INTS7: variants seen among roughly 807,000 people sequenced by gnomAD.
INTS7 encodes integrator complex subunit 7.
In INTS7, 46 loss-of-function variants were observed where a neutral mutation model predicts 109.2. The observed-to-expected ratio is 0.42, with a 90% CI of 0.33 to 0.54. The LOEUF (loss-of-function observed/expected upper bound fraction) is 0.54. Among genes scored for constraint, INTS7 ranks in the 20% least tolerant of loss-of-function variants. The pLI, the probability that INTS7 is intolerant of heterozygous loss-of-function variation, is 0.07. For synonymous variants in INTS7, 412 were observed against 402.9 expected (o/e 1.02, Z -0.27); for missense variants, 929 against 1,132.4 (o/e 0.82, Z 2.58).
Position 211,982,792 on chromosome 1 carries a change from G to C in INTS7, c.1016C>G (p.Pro339Arg). The C allele has an allele frequency of 6.2e-7, 1 of 1,606,534 alleles. No individual in the cohort carries two copies. The highest frequency in any genetic ancestry group is 8.5e-7 in the Non-Finnish European group (1 of 1,176,372). ...SIVPGNVSSS[P>R]RSSDLVKLAQ... ...TAATTTGACTAAATCAGAAGATCTG[G>C]GAGAAGAACTCACATTTCCTAAAAA... The change falls in exon 9 of 20, where the codon CCC (proline) becomes CGC (arginine). Residue 339 changes from proline to arginine, a missense_variant. Around this residue, in one of 2 missense-constraint regions of INTS7, gnomAD observed 787 missense variants for 901.1 expected, o/e 0.87. Transcript: ENST00000366994.
At chr1:211,955,655 C>T (rs761404091) in intron 16 of INTS7, among the ~76,000 whole-genome samples, 76 of 152,194 alleles carry the variant, frequency 5.0e-4, no homozygotes, top group Non-Finnish European at 9.8e-4. Flanking sequence ...TTATTCCCTA[C>T]TATCATTTTA....
chr1:211,974,144 C>G (rs149885847), intron 13 of INTS7, among the ~76,000 whole-genome samples: 68 of 151,800 alleles, frequency 4.5e-4, no homozygotes, highest in African/African-American at 1.5e-3. Flanking sequence ...TAAATAATTA[C>G]CAATTTTCTG....
At chr1:211,943,671 G>GTTAAGAAAGTAGTAATGGC (rs1481000769) in intron 19 of INTS7, among the ~76,000 whole-genome samples, 2 of 152,194 alleles carry the variant, frequency 1.3e-5, no homozygotes, top group African/African-American at 4.8e-5. Context: ...ACTTGCCATA[G>GTTAAGAAAGTAGTAATGGC]TTAAGAAAGT....
At chr1:211,997,290 A>C (rs1665442282) in intron 7 of INTS7, among the ~76,000 whole-genome samples, 2 of 152,056 alleles carry the variant, frequency 1.3e-5, no homozygotes, top group Admixed American at 1.3e-4. Context: ...CATGCCTGGA[A>C]TCCTAGCACT....
At chr1:211,997,300 T>C (rs1317793280) in intron 7 of INTS7, among the ~76,000 whole-genome samples, 1 of 151,768 alleles carries the variant, frequency 6.6e-6, no homozygotes, top group African/African-American at 2.4e-5. Context: ...ATCCTAGCAC[T>C]TTGAGAGGCT....
rs1663156322 is a variant in INTS7 at position 211,952,697 on chromosome 1, G to A, written c.2188C>T (p.Gln730Ter). ...GCTGTTCCAGTAGATCCATATTCCT[G>A]GAAACTGAAGTAAAGGTCAATATTC... The part of the protein sequence containing the change: ...LILDPESASF[Q>*]EYGSTGTAHA... Residue 730 changes from glutamine (Q) to a stop codon, truncating the protein, a stop_gained, in exon 17 of 20, where the codon CAG (glutamine) becomes TAG (stop). Transcript: ENST00000366994. LOFTEE classifies it high-confidence loss of function. The A allele has an allele frequency of 6.2e-7, 1 of 1,610,852 alleles. No homozygotes were observed. Among genetic ancestry groups the A allele is most frequent in the Admixed American group, 1.7e-5 (1 of 59,694 alleles).
At chr1:212,000,787 C>A (rs1665633267) in intron 7 of INTS7, among the ~76,000 whole-genome samples, 1 of 152,294 alleles carries the variant, frequency 6.6e-6, no homozygotes, top group South Asian at 2.1e-4. Context: ...AAGAGACTTT[C>A]TATAACTTTT....
intron 8 of INTS7, among the ~76,000 whole-genome samples, chr1:211,984,987 T>C (rs1202286305): frequency 6.6e-6 from 1 of 152,208 alleles, no homozygotes; most frequent in Admixed American, 6.5e-5. Context: ...TTTGCTATTA[T>C]ATAAAATGGT....
intron 4 of INTS7, among the ~76,000 whole-genome samples, chr1:212,015,199 T>C (rs1279816218): frequency 6.6e-6 from 1 of 152,090 alleles, no homozygotes; most frequent in Non-Finnish European, 1.5e-5. Flanking sequence ...CCACCCCGTC[T>C]GGGAGGTGTA....
At chr1:211,962,885 G>A (rs985065311) in intron 16 of INTS7, among the ~76,000 whole-genome samples, 1 of 152,108 alleles carries the variant, frequency 6.6e-6, no homozygotes, top group African/African-American at 2.4e-5. Flanking sequence ...TGTTAAGAAG[G>A]AAATGTACAG....
chr1:211,980,300 A>G (rs1253310507), intron 10 of INTS7, among the ~76,000 whole-genome samples: 2 of 152,178 alleles, frequency 1.3e-5, no homozygotes, highest in African/African-American at 2.4e-5. Flanking sequence ...TTGAAACCAC[A>G]CCTTAGACAA....
intron 4 of INTS7, among the ~76,000 whole-genome samples, chr1:212,015,965 T>C (rs1232679790): frequency 6.6e-6 from 1 of 152,048 alleles, no homozygotes; most frequent in Non-Finnish European, 1.5e-5. Context: ...TTACATTATA[T>C]AAGCTATTGG....
At chr1:211,968,766 G>A in intron 13 of INTS7, 59 bp from the exon 14 acceptor site, 1 of 1,336,048 alleles carries the variant, frequency 7.5e-7, no homozygotes, top group Non-Finnish European at 1.0e-6. Flanking sequence ...GTGAGATGGG[G>A]CAGTACCAAG....
intron 5 of INTS7, 98 bp downstream of exon 5, chr1:212,011,277 A>C (rs1666156868): frequency 1.5e-6 from 1 of 648,854 alleles, no homozygotes; most frequent in Middle Eastern, 4.3e-4. Context: ...TATTATTTGA[A>C]TGTATGGTGA....
At chr1:211,990,620 A>T (rs1273429039) in intron 7 of INTS7, among the ~76,000 whole-genome samples, 2 of 152,204 alleles carry the variant, frequency 1.3e-5, no homozygotes, top group African/African-American at 2.4e-5. Flanking sequence ...AGCAAAAATT[A>T]TCATGAAAGG....
chr1:211,960,907 C>T (rs1479227387), intron 16 of INTS7, among the ~76,000 whole-genome samples: 2 of 151,730 alleles, frequency 1.3e-5, no homozygotes, highest in South Asian at 2.1e-4. Context: ...TCCAGCTACT[C>T]AGAAGGCTGA....
intron 16 of INTS7, chr1:211,965,991 G>C (rs1185494716): frequency 6.5e-6 from 1 of 154,186 alleles, no homozygotes; most frequent in African/African-American, 2.4e-5. Flanking sequence ...ACTATAATAG[G>C]AAAAGAAAAA....
Position 211,988,010 on chromosome 1 carries a change from T to C in INTS7, c.880-7A>G. 7.1e-7 allele frequency: 1 copy of C among 1,401,080 alleles called. No homozygotes were observed. The highest frequency in any genetic ancestry group is 1.7e-5 in the Admixed American group (1 of 57,604). 86.8% of individuals were successfully genotyped at this position (1,401,080 alleles called of 1,614,324 possible). A position where few individuals can be genotyped will look rare whatever the true frequency, so the allele number is the denominator to read the frequency against. On this transcript the variant is annotated splice_region_variant and splice_polypyrimidine_tract_variant and intron_variant, in intron 7 of 19. Coordinates refer to ENST00000366994, the MANE Select transcript of INTS7 (RefSeq NM_015434.4). ...GGGCACACTCACAAAGTGCCTGGAA[T>C]GCAGAAGAGAAATGAATATAGAAGT...
chr1:211,993,847 C>T (rs1250173981), intron 7 of INTS7, among the ~76,000 whole-genome samples: 3 of 151,868 alleles, frequency 2.0e-5, no homozygotes, highest in Non-Finnish European at 4.4e-5. Flanking sequence ...TTTTGACTAC[C>T]GTAATAATAA....
Sources: gnomAD v4.1 joint callset for allele counts (sites outside exome capture counted in the v4.1 genomes callset) on GRCh38, gnomAD v4.1.1 for gene constraint, gnomAD v4.1.1 regional missense constraint, MANE v1.5 for transcripts, NCBI Gene and HGNC (gene_info 2026-07-23, HGNC 2026-07-21) for gene names.